The following CDKL5 variants were observed in gnomAD, a reference collection of about 807,000 sequenced individuals.
CDKL5 encodes cyclin-dependent kinase-like 5.
In CDKL5, 8 loss-of-function variants were observed where a neutral mutation model predicts 61.7. That is an observed-to-expected ratio of 0.13 (90% CI 0.08 to 0.23). CDKL5 has a LOEUF of 0.23. CDKL5 is among the 10% of genes least tolerant of loss of function. The pLI is 1.00. For missense variants in CDKL5, 440 were observed against 734.5 expected (o/e 0.60, Z 4.63); for synonymous variants, 275 against 272.3 (o/e 1.01, Z -0.10).
intron 1 of CDKL5, among the ~76,000 whole-genome samples, chrX:18,442,650 C>T (rs944374468): frequency 1.1e-4 from 12 of 110,819 alleles, no homozygotes; most frequent in African/African-American, 2.6e-4. Flanking sequence ...CCCGCCTCCA[C>T]GCCCGGCTAC....
At position 18,531,864 on chromosome X, in the gene CDKL5, G is replaced by T. The variant is rs944559748; in HGVS notation, c.99+21010G>T. Among the ~76,000 whole-genome samples the T allele has an allele frequency of 4.7e-5, 5 of 107,008 alleles. No homozygotes were observed. The South Asian group carries it at 2.1e-3, about 46-fold the overall frequency. The allele number at this position is 107,008 out of a possible 115,157, so 92.9% of individuals were successfully genotyped here. On this transcript the variant is annotated intron_variant, in intron 3 of 17. Transcript: ENST00000623535. The stretch of plus-strand genomic sequence containing the variant: ...TGGGACTACAGGCGCCTGCCACCGC[G>T]CCCGGCTAATTTTTTGTATTTTTAG...
Position 18,634,376 on chromosome X carries a change from T to C in CDKL5, c.*5619T>C. On this transcript the variant is annotated 3_prime_UTR_variant, in exon 18 of 18. Transcript: ENST00000623535. The stretch of plus-strand genomic sequence containing the variant: ...GGTCTTATCAGAAGAAACCCAGGAA[T>C]AGAAAAGGTAGATGCCTTGACTTTT... 5.3e-6 allele frequency: 4 copies of C among 753,997 alleles called. No individual in the cohort carries two copies. The highest frequency in any genetic ancestry group is 6.3e-6 in the Non-Finnish European group (4 of 639,123). 62.1% of individuals were successfully genotyped at this position (753,997 alleles called of 1,213,427 possible). A position where few individuals can be genotyped will look rare whatever the true frequency, so the allele number is the denominator to read the frequency against.
intron 1 of CDKL5, among the ~76,000 whole-genome samples, chrX:18,436,188 A>T (rs777731498): frequency 9.0e-6 from 1 of 111,668 alleles, no homozygotes; most frequent in Non-Finnish European, 1.9e-5. Context: ...GAGGAAGTGG[A>T]TCATTATAAA....
rs1420119891 is a variant in CDKL5, at chrX:18,637,210, G to A, written c.*8453G>A. ...GTTCGAGACCAGCCTGGCCAACATG[G>A]TGAAACCCCGTCTCTACTAAAAATA... On this transcript the variant is annotated 3_prime_UTR_variant, in exon 18 of 18. Coordinates refer to ENST00000623535, the MANE Select transcript of CDKL5 (RefSeq NM_001323289.2). 1 of 111,171 alleles carries A rather than the reference G, an allele frequency of 9.0e-6. No individual in the cohort carries two copies. Among genetic ancestry groups the A allele is most frequent in the Non-Finnish European group, 1.9e-5 (1 of 53,017 alleles). 9.2% of individuals were successfully genotyped at this position (111,171 alleles called of 1,213,427 possible). A position where few individuals can be genotyped will look rare whatever the true frequency, so the allele number is the denominator to read the frequency against.
exon 22 of CDKL5, chrX:18,653,519 A>G (rs34166184): frequency 1.7e-6 from 2 of 1,211,892 alleles, no homozygotes; most frequent in East Asian, 5.9e-5. Context: ...ACATACCATG[A>G]GAATGCGGCA....
At chrX:18,468,215 G>T (rs1920980774) in intron 1 of CDKL5, among the ~76,000 whole-genome samples, 1 of 112,064 alleles carries the variant, frequency 8.9e-6, no homozygotes, top group South Asian at 3.7e-4. Context: ...ATCTGAGACT[G>T]ATTTAAGTTA....
At chrX:18,497,938 C>T (rs1208342035) in intron 1 of CDKL5, among the ~76,000 whole-genome samples, 1 of 108,781 alleles carries the variant, frequency 9.2e-6, no homozygotes, top group South Asian at 4.1e-4. Context: ...CCACTTCAGC[C>T]TCCCAAGTAG....
intron 1 of CDKL5, among the ~76,000 whole-genome samples, chrX:18,467,162 A>G (rs1441063200): frequency 1.8e-5 from 2 of 110,490 alleles, no homozygotes; most frequent in African/African-American, 6.6e-5. Flanking sequence ...AGGTCTAAGA[A>G]CAACTTGTGT....
intron 1 of CDKL5, among the ~76,000 whole-genome samples, chrX:18,492,361 A>G (rs992689134): frequency 9.0e-6 from 1 of 111,554 alleles, no homozygotes; most frequent in African/African-American, 3.3e-5. Flanking sequence ...CCTTCTGTGT[A>G]TTGAGTTTAA....
intron 1 of CDKL5, among the ~76,000 whole-genome samples, chrX:18,465,908 A>G (rs1932391013): frequency 8.9e-6 from 1 of 111,825 alleles, no homozygotes; most frequent in Admixed American, 9.5e-5. Flanking sequence ...ATTTCTAGGA[A>G]TTTGATAATT....
At chrX:18,583,237 AAAAGACTGTTGT>A (rs917691695) in intron 7 of CDKL5, among the ~76,000 whole-genome samples, 341 of 111,376 alleles carry the variant, frequency 3.1e-3, no homozygotes, top group Middle Eastern at 4.6e-3. Flanking sequence ...TTTCTCAGAG[AAAAGACTGTTGT>A]AAATGGTCAG....
chrX:18,457,912 CTTT>C (rs775565675), intron 1 of CDKL5, among the ~76,000 whole-genome samples: 1 of 45,247 alleles, frequency 2.2e-5, no homozygotes, highest in Non-Finnish European at 3.8e-5. Context: ...CCATGCCCGG[CTTT>C]TTTTTTTTTT....
chrX:18,553,882 G>A (rs1056913229), intron 3 of CDKL5, among the ~76,000 whole-genome samples: 2 of 110,801 alleles, frequency 1.8e-5, no homozygotes, highest in Non-Finnish European at 3.8e-5. Flanking sequence ...AACGGTACAT[G>A]AAGTAAATAC....
chrX:18,584,272 G>A lies in CDKL5; in HGVS notation c.473G>A (p.Arg158His), dbSNP rs757402424. Residue 158 changes from arginine to histidine, a missense_variant, in exon 8 of 18, where the codon CGT (arginine) becomes CAT (histidine). Coordinates refer to ENST00000623535, the MANE Select transcript of CDKL5 (RefSeq NM_001323289.2). ...VLKLCDFGFA[R>H]NLSEGNNANY... ...CTTTGCTATCTTTCAGGTTTTGCTC[G>A]TAATCTGTCAGAAGGCAATAATGCT... 1.7e-6 allele frequency: 2 copies of A among 1,197,089 alleles called. No individual in the cohort carries two copies. The highest frequency in any genetic ancestry group is 3.5e-5 in the African/African-American group (2 of 57,393).
chrX:18,573,676 T>G (rs1258659690), intron 4 of CDKL5, among the ~76,000 whole-genome samples: 1 of 112,469 alleles, frequency 8.9e-6, no homozygotes, highest in Non-Finnish European at 1.9e-5. Context: ...AGTTGGCCTT[T>G]CCTACTGCTG....
At position 18,646,060 on chromosome X, in the gene CDKL5, C is replaced by T. The variant is rs267608664; in HGVS notation, c.2767C>T (p.Arg923Cys). Residue 923 changes from arginine to cysteine, a missense_variant, in exon 20 of 22, where the codon CGC becomes TGC. Transcript: ENST00000379989. ...ACACCATTCTGGACCCCAAGATAGACGCTTCATGTTAAGGACGACAGAACA... is the reference window on the plus strand; with the variant it reads ...ACACCATTCTGGACCCCAAGATAGATGCTTCATGTTAAGGACGACAGAACA... The T allele has an allele frequency of 2.0e-5, 24 of 1,210,256 alleles. No individual in the cohort carries two copies. The highest frequency in any genetic ancestry group is 1.6e-4 in the South Asian group (9 of 56,829).
chrX:18,467,701 G>C lies in CDKL5; in HGVS notation c.-162-39234G>C, dbSNP rs753332931. Among the ~76,000 whole-genome samples, 184 of 111,871 alleles carry C rather than the reference G, an allele frequency of 1.6e-3. 1 individual carries two copies. The highest frequency in any genetic ancestry group is 7.1e-3 in the Admixed American group (74 of 10,444). ...ACAAATGCTAAGCAGCCTCAGTAAA[G>C]GGATTGCAACTTAAAACAGCCCACC... On this transcript the variant is annotated intron_variant, in intron 1 of 17. Transcript: ENST00000623535.
intron 3 of CDKL5, among the ~76,000 whole-genome samples, chrX:18,534,787 T>C (rs1159220546): frequency 6.2e-5 from 7 of 112,265 alleles, no homozygotes; most frequent in Non-Finnish European, 1.1e-4. Flanking sequence ...CCTCCATCTA[T>C]GTAACTTGCC....
At chrX:18,498,946 T>A (rs1922280609) in intron 1 of CDKL5, among the ~76,000 whole-genome samples, 1 of 111,003 alleles carries the variant, frequency 9.0e-6, no homozygotes, top group African/African-American at 3.3e-5. Context: ...AAGTTTTGTG[T>A]TTTTAGTAGA....
Sources: gnomAD v4.1 joint callset for allele counts (sites outside exome capture counted in the v4.1 genomes callset) on GRCh38, gnomAD v4.1.1 for gene constraint, MANE v1.5 for transcripts, NCBI Gene and HGNC (gene_info 2026-07-23, HGNC 2026-07-21) for gene names.